Variants in SLMAP observed in about 807,000 individuals in gnomAD.
The protein encoded by SLMAP is sarcolemmal membrane-associated protein.
SLMAP carries 44 observed loss-of-function variants against 128.8 expected under a neutral mutation model. The observed-to-expected ratio is 0.34, with a 90% CI of 0.27 to 0.44. The LOEUF (loss-of-function observed/expected upper bound fraction) is 0.44, where lower values mean the gene tolerates loss of function less well. SLMAP is among the 20% of genes least tolerant of loss of function. The pLI is 1.00. For missense variants in SLMAP, 787 were observed against 985.3 expected, an observed-to-expected ratio of 0.80 and a Z score of 2.69; for synonymous variants, 327 against 348.8, an observed-to-expected ratio of 0.94 and a Z score of 0.70.
intron 2 of SLMAP, among the ~76,000 whole-genome samples, chr3:57,783,191 A>G (rs949381507): frequency 2.0e-5 from 3 of 152,208 alleles, no homozygotes; most frequent in African/African-American, 7.2e-5. Context: ...TGGAGCATTA[A>G]TGGTGATTCT....
chr3:57,800,420 A>G (rs932113670), intron 2 of SLMAP: 1 of 152,268 alleles, frequency 6.6e-6, no homozygotes, highest in African/African-American at 2.4e-5. Context: ...TTGGCCTCCC[A>G]AAATGCTGGG....
At chr3:57,859,765 A>G (rs182317235) in intron 8 of SLMAP, among the ~76,000 whole-genome samples, 3 of 152,140 alleles carry the variant, frequency 2.0e-5, no homozygotes, top group Admixed American at 6.6e-5. Context: ...TACAATATAC[A>G]CTACTCAGGT....
chr3:57,763,638 G>A (rs1354026896), intron 2 of SLMAP, among the ~76,000 whole-genome samples: 2 of 152,092 alleles, frequency 1.3e-5, no homozygotes, highest in African/African-American at 2.4e-5. Flanking sequence ...TAGTGGTAAA[G>A]GGGGAGAAAA....
Position 57,858,119 on chromosome 3 carries a change from G to A in SLMAP, c.647G>A (p.Arg216Gln), listed in dbSNP as rs1399815164. ...ATAGATGAAGATAGACTCTTATCAC[G>A]GTTAGAAGTTATGGGAAACCAATTA... ...ALIDEDRLLS[R>Q]LEVMGNQLQA... Residue 216 changes from arginine to glutamine, a missense_variant, in exon 8 of 25, where the codon CGG becomes CAG. Around this residue, in one of 2 missense-constraint regions of SLMAP, gnomAD observed 715 missense variants for 843.6 expected, o/e 0.85. Coordinates refer to ENST00000671191, the MANE Select transcript of SLMAP (RefSeq NM_001377540.1). 10 of 1,601,594 alleles carry A rather than the reference G, an allele frequency of 6.2e-6. No homozygotes were observed. Among genetic ancestry groups the A allele is most frequent in the East Asian group, 2.2e-5 (1 of 44,694 alleles).
chr3:57,883,851 A>G (rs968354720), intron 14 of SLMAP, among the ~76,000 whole-genome samples: 16 of 152,098 alleles, frequency 1.1e-4, no homozygotes, highest in Non-Finnish European at 1.2e-4. Flanking sequence ...GCAGGAATGC[A>G]TGGTTGCTAA....
At chr3:57,889,204 G>C (rs1460396053) in intron 14 of SLMAP, among the ~76,000 whole-genome samples, 1 of 152,176 alleles carries the variant, frequency 6.6e-6, no homozygotes, top group East Asian at 1.9e-4. Flanking sequence ...ATTTTAAAAA[G>C]TCAGAGACAA....
At chr3:57,896,440 G>A (rs2096245836) in intron 15 of SLMAP, 71 bp from the exon 16 acceptor site, 43 of 1,481,898 alleles carry the variant, frequency 2.9e-5, no homozygotes, top group Non-Finnish European at 3.7e-5. Context: ...AGCATTCATA[G>A]CCTGAAGCAG....
Position 57,928,566 on chromosome 3 carries a change from G to A in SLMAP, c.*1277G>A, listed in dbSNP as rs569542498. 6.6e-6 allele frequency: 1 copy of A among 152,296 alleles called. No homozygotes were observed. Among genetic ancestry groups the A allele is most frequent in the East Asian group, 1.9e-4 (1 of 5,188 alleles). The allele number at this position is 152,296 out of a possible 1,614,324, so 9.4% of individuals were successfully genotyped here. A position where few individuals can be genotyped will look rare whatever the true frequency, so the allele number is the denominator to read the frequency against. On this transcript the variant is annotated 3_prime_UTR_variant, in exon 25 of 25. Coordinates refer to ENST00000671191, the MANE Select transcript of SLMAP (RefSeq NM_001377540.1). ...TTGATATTATAAATTTAAAACACAA[G>A]TGAAAGTTTAGCCATGGTTTTGTGC...
intron 2 of SLMAP, among the ~76,000 whole-genome samples, chr3:57,782,843 C>A (rs573600277): frequency 2.0e-4 from 31 of 152,248 alleles, no homozygotes; most frequent in African/African-American, 7.5e-4. Flanking sequence ...TAAAAGTGAG[C>A]TTGGCCCCCT....
intron 17 of SLMAP, chr3:57,898,338 G>A (rs1416961724): frequency 6.6e-6 from 1 of 152,138 alleles, no homozygotes; most frequent in African/African-American, 2.4e-5. Flanking sequence ...GGGCCTTTAT[G>A]GGAACGTGGA....
intron 14 of SLMAP, among the ~76,000 whole-genome samples, chr3:57,875,856 A>G (rs1471003104): frequency 1.3e-5 from 2 of 152,236 alleles, no homozygotes; most frequent in Non-Finnish European, 2.9e-5. Context: ...GTTGTGTTTA[A>G]TAAGTATTTT....
At chr3:57,832,051 A>G (rs538921510) in intron 3 of SLMAP, among the ~76,000 whole-genome samples, 80 of 152,336 alleles carry the variant, frequency 5.3e-4, no homozygotes, top group African/African-American at 1.8e-3. Flanking sequence ...CGGGGATAAA[A>G]TGCCTTCTTG....
chr3:57,837,030 A>G (rs2093670817), intron 3 of SLMAP, among the ~76,000 whole-genome samples: 1 of 152,186 alleles, frequency 6.6e-6, no homozygotes, highest in Non-Finnish European at 1.5e-5. Flanking sequence ...GCCTATAAAG[A>G]GCAAAGTCAA....
rs76111647 is a variant in SLMAP, at chr3:57,822,336, T to C, written c.199-9047T>C. ...AGGAATAACAGTGTTAAATCTGCAA[T>C]AGCTGTGAGGTCGTGGCACTCTGCT... On this transcript the variant is annotated intron_variant, in intron 2 of 24. Transcript: ENST00000671191. 8.0e-4 allele frequency among the ~76,000 whole-genome samples: 122 copies of C among 152,264 alleles called. No homozygotes were observed. The East Asian group carries it at 0.018, about 23-fold the overall frequency.
intron 15 of SLMAP, among the ~76,000 whole-genome samples, chr3:57,894,135 A>G (rs1339415002): frequency 2.6e-5 from 4 of 151,836 alleles, no homozygotes; most frequent in Admixed American, 1.3e-4. Context: ...TTAAAACAAT[A>G]TATATATATA....
intron 2 of SLMAP, among the ~76,000 whole-genome samples, chr3:57,787,827 G>A (rs974558803): frequency 1.4e-4 from 21 of 152,176 alleles, no homozygotes; most frequent in African/African-American, 5.1e-4. Context: ...CCAGCTGACT[G>A]GGATATAGGA....
intron 23 of SLMAP, among the ~76,000 whole-genome samples, chr3:57,925,123 T>G (rs907885245): frequency 6.6e-6 from 1 of 151,686 alleles, no homozygotes; most frequent in East Asian, 1.9e-4. Context: ...CTCAACTAAT[T>G]TTTGTATTTT....
chr3:57,798,752 A>C (rs1168018400), intron 2 of SLMAP, among the ~76,000 whole-genome samples: 1 of 152,216 alleles, frequency 6.6e-6, no homozygotes, highest in Non-Finnish European at 1.5e-5. Context: ...AGAGTCAGCA[A>C]CCATATTGAA....
chr3:57,871,808 AAGGGGCATCTTT>A lies in SLMAP; in HGVS notation c.1300+113_1300+124del. 3 of 779,464 alleles carry A rather than the reference AAGGGGCATCTTT, an allele frequency of 3.8e-6. No individual in the cohort carries two copies. In the East Asian group the frequency reaches 7.6e-5, roughly 20 times the overall value. The allele number at this position is 779,464 out of a possible 1,614,324, so 48.3% of individuals were successfully genotyped here. A position where few individuals can be genotyped will look rare whatever the true frequency, so the allele number is the denominator to read the frequency against. ...GTGTTTGTTATAGCAGAAGTGCTTA[AAGGGGCATCTTT>A]AGACAGCAGCAAACCTTTTCATAAC... On this transcript the variant is annotated intron_variant, in intron 14 of 24. Transcript: ENST00000671191.
Sources: allele counts gnomAD v4.1 joint callset (sites outside exome capture counted in the v4.1 genomes callset), GRCh38; gene constraint gnomAD v4.1.1; regional missense constraint gnomAD v4.1.1; transcripts MANE v1.5; gene names NCBI Gene and HGNC (gene_info 2026-07-23, HGNC 2026-07-21).